Variants in GRHL1 observed in about 807,000 individuals in gnomAD.
The protein encoded by GRHL1 is grainyhead like transcription factor 1, also known as grainyhead-like protein 1 homolog.
In GRHL1, 38 loss-of-function variants were observed where a neutral mutation model predicts 75.7. The observed-to-expected ratio is 0.50, with a 90% CI of 0.39 to 0.66. The LOEUF (loss-of-function observed/expected upper bound fraction) is 0.66, where lower values mean the gene tolerates loss of function less well. Ranked by LOEUF, GRHL1 falls within the 30% of genes least tolerant of loss-of-function variation. GRHL1 has a pLI of 0.00. For synonymous variants in GRHL1, 266 were observed against 279.4 expected, an observed-to-expected ratio of 0.95 and a Z score of 0.48; for missense variants, 589 against 767.5, an observed-to-expected ratio of 0.77 and a Z score of 2.75.
chr2:9,998,474 ATATATACATATATATACG>A, intron 14 of GRHL1, among the ~76,000 whole-genome samples: 6 of 34,472 alleles, frequency 1.7e-4, no homozygotes, highest in African/African-American at 2.7e-4. Flanking sequence ...ATATACGTAT[ATATATACATATATATACG>A]TATATATACA....
chr2:9,973,311 T>C (rs959716196), intron 8 of GRHL1, among the ~76,000 whole-genome samples: 4 of 152,184 alleles, frequency 2.6e-5, no homozygotes, highest in Admixed American at 2.0e-4. Context: ...CAGTACCTTC[T>C]TGGGCCTCAC....
intron 15 of GRHL1, among the ~76,000 whole-genome samples, chr2:9,999,411 G>T (rs1433222207): frequency 6.6e-6 from 1 of 152,274 alleles, no homozygotes; most frequent in Admixed American, 6.5e-5. Flanking sequence ...CGCCACTGAG[G>T]ATGGCCAGGG....
In GRHL1 at chr2:9,992,641, T is replaced by G. The variant is rs1487483333; in HGVS notation, c.1461+495T>G. Among the ~76,000 whole-genome samples the G allele has an allele frequency of 6.6e-6, 1 of 152,344 alleles. No homozygotes were observed. The highest frequency in any genetic ancestry group is 6.5e-5 in the Admixed American group (1 of 15,306). On this transcript the variant is annotated intron_variant, in intron 11 of 15. Coordinates refer to ENST00000324907, the MANE Select transcript of GRHL1 (RefSeq NM_198182.3). The surrounding 1 kb of genome is among the most constrained non-coding windows in gnomAD (Gnocchi z 4.6). The stretch of plus-strand genomic sequence containing the variant: ...TTTTAAAAAATGGTCACGCCCTGTT[T>G]TGTGGCAAAGGCTTACAAGGGATAG...
chr2:9,977,738 C>T (rs751715164), intron 8 of GRHL1, among the ~76,000 whole-genome samples: 2 of 152,164 alleles, frequency 1.3e-5, no homozygotes, highest in African/African-American at 2.4e-5. Flanking sequence ...GTTCTCACTC[C>T]GCCCTCCGTG....
chr2:9,974,692 A>G (rs983999772), intron 8 of GRHL1, among the ~76,000 whole-genome samples: 1 of 152,228 alleles, frequency 6.6e-6, no homozygotes, highest in Non-Finnish European at 1.5e-5. Context: ...AGGAAATTCT[A>G]TGCAAGGTGA....
At chr2:9,972,670 C>T (rs1367415445) in intron 8 of GRHL1, among the ~76,000 whole-genome samples, 2 of 152,146 alleles carry the variant, frequency 1.3e-5, no homozygotes, top group Non-Finnish European at 2.9e-5. Flanking sequence ...TGCCGTGTTC[C>T]GTGCCTGGTG....
rs1228259813 is a variant in GRHL1, at chr2:10,001,206, C to G, written c.*499C>G. On this transcript the variant is annotated 3_prime_UTR_variant, in exon 16 of 16. Coordinates refer to ENST00000324907, the MANE Select transcript of GRHL1 (RefSeq NM_198182.3). ...CTGAAGAGTACGGGGGGAGCCCTCTCTCCCTTACCCTCTCACTCTCCACCA... is the reference window on the plus strand; with the variant it reads ...CTGAAGAGTACGGGGGGAGCCCTCTGTCCCTTACCCTCTCACTCTCCACCA... 6.5e-6 allele frequency: 1 copy of G among 152,706 alleles called. No individual in the cohort carries two copies. The highest frequency in any genetic ancestry group is 1.5e-5 in the Non-Finnish European group (1 of 68,090). The allele number at this position is 152,706 out of a possible 1,614,324, so 9.5% of individuals were successfully genotyped here.
At position 9,954,795 on chromosome 2, in the gene GRHL1, CT is replaced by C. The variant is rs1558287325; in HGVS notation, c.21-118del. The C allele has an allele frequency of 8.1e-6, 7 of 863,970 alleles. No individual in the cohort carries two copies. The Admixed American group carries it at 8.1e-5, about 10-fold the overall frequency. The allele number at this position is 863,970 out of a possible 1,614,324, so 53.5% of individuals were successfully genotyped here. A position where few individuals can be genotyped will look rare whatever the true frequency, so the allele number is the denominator to read the frequency against. ...GTCTTCTGGTCTTGTCTTAATTTGACTTCCTAGGGTCATTGATGAAACAATA... is the reference window on the plus strand; with the variant it reads ...GTCTTCTGGTCTTGTCTTAATTTGACTCCTAGGGTCATTGATGAAACAATA... On this transcript the variant is annotated intron_variant, in intron 1 of 15. Coordinates refer to ENST00000324907, the MANE Select transcript of GRHL1 (RefSeq NM_198182.3).
At chr2:9,998,904 G>A (rs1669140371) in intron 14 of GRHL1, 61 bp from the exon 15 acceptor site, 1 of 503,222 alleles carries the variant, frequency 2.0e-6, no homozygotes. Context: ...ATATATATTT[G>A]TTGTTTGGTT....
In GRHL1 at chr2:9,954,655, T is replaced by C. The variant is rs550841001; in HGVS notation, c.21-260T>C. On this transcript the variant is annotated intron_variant, in intron 1 of 15. Coordinates refer to ENST00000324907, the MANE Select transcript of GRHL1 (RefSeq NM_198182.3). Reference sequence around the variant, plus strand: ...TTTCTCGGGGATGGTTTTGTTTCGCTTTTTTGCCAAATAGTATACCCTGGG... The same window carrying C: ...TTTCTCGGGGATGGTTTTGTTTCGCCTTTTTGCCAAATAGTATACCCTGGG... 1.3e-4 allele frequency among the ~76,000 whole-genome samples: 20 copies of C among 152,298 alleles called. No homozygotes were observed. In the East Asian group the frequency reaches 3.9e-3, roughly 29 times the overall value.
In GRHL1 at chr2:9,952,899, T is replaced by C. The variant is rs138337540; in HGVS notation, c.20+1046T>C. 463 of 412,144 alleles carry C rather than the reference T, an allele frequency of 1.1e-3. 3 individuals carry two copies. The East Asian group carries it at 0.016, about 14-fold the overall frequency. 25.5% of individuals were successfully genotyped at this position (412,144 alleles called of 1,614,324 possible). On this transcript the variant is annotated intron_variant, in intron 1 of 15. Transcript: ENST00000324907. Reference sequence around the variant, plus strand: ...GAGTATCTTAAATGGATTACTCTTATGTTGTAGAATATGCAGTTAAATTAT... The same window carrying C: ...GAGTATCTTAAATGGATTACTCTTACGTTGTAGAATATGCAGTTAAATTAT...
At position 9,986,183 on chromosome 2, in the gene GRHL1, G is replaced by C. The variant is rs1299418927; in HGVS notation, c.1170G>C (p.Gly390=). Residue 390 remains glycine (G), a synonymous_variant, in exon 9 of 16, where the codon GGG becomes GGC. Transcript: ENST00000324907. The part of the protein sequence containing the change: ...TDFSSQKGVK[G]LPLNIQVDTY... ...TCTCTTCCCAGAAGGGAGTGAAGGG[G>C]TTGCCTCTTAACATTCAAGTTGATA... is the stretch of plus-strand genomic sequence containing the variant. 18 of 1,613,620 alleles carry C rather than the reference G, an allele frequency of 1.1e-5. No homozygotes were observed. The highest frequency in any genetic ancestry group is 1.5e-5 in the Non-Finnish European group (18 of 1,179,714).
At chr2:9,979,093 G>A (rs1273906261) in intron 8 of GRHL1, among the ~76,000 whole-genome samples, 1 of 140,368 alleles carries the variant, frequency 7.1e-6, no homozygotes, top group Admixed American at 7.7e-5. Context: ...CCGGGAGGTG[G>A]AGGTTGCAGT....
rs1400626740 is a variant in GRHL1 at position 9,990,182 on chromosome 2, T to A, written c.1270-514T>A. Among the ~76,000 whole-genome samples the A allele has an allele frequency of 6.6e-6, 1 of 151,936 alleles. No homozygotes were observed. The highest frequency in any genetic ancestry group is 2.4e-5 in the African/African-American group (1 of 41,330). The stretch of plus-strand genomic sequence containing the variant: ...TTTTTTTTTTGAGACAGAGTTTCGC[T>A]TTGTCACCCAGGCTGGAGTGCAGTG... On this transcript the variant is annotated intron_variant, in intron 9 of 15. Transcript: ENST00000324907. This position sits in a 1 kb window ranked among gnomAD's most constrained non-coding sequence, Gnocchi z 4.2.
chr2:9,998,625 CATATACAT>C (rs1376748871), intron 14 of GRHL1, among the ~76,000 whole-genome samples: 1 of 25,556 alleles, frequency 3.9e-5, no homozygotes, highest in African/African-American at 4.7e-4. Flanking sequence ...TATATGTACA[CATATACAT>C]ATATATGTAC....
intron 14 of GRHL1, among the ~76,000 whole-genome samples, chr2:9,998,671 CATATAT>C (rs1307281741): frequency 1.7e-5 from 1 of 58,922 alleles, no homozygotes; most frequent in Admixed American, 2.0e-4. Context: ...TATATGTACA[CATATAT>C]ATACATATAT....
chr2:9,983,935 T>G (rs140919248), intron 8 of GRHL1, among the ~76,000 whole-genome samples: 15,768 of 151,758 alleles, frequency 0.1, 1,095 homozygotes, highest in Non-Finnish European at 0.15. Context: ...GGTGGGCGGA[T>G]CATGAGGTCA....
chr2:9,985,169 G>A (rs774824719), intron 8 of GRHL1, among the ~76,000 whole-genome samples: 1 of 152,154 alleles, frequency 6.6e-6, no homozygotes, highest in Non-Finnish European at 1.5e-5. Flanking sequence ...GTCTGGTTTA[G>A]ACAGTTTCTC....
intron 2 of GRHL1, among the ~76,000 whole-genome samples, chr2:9,958,270 G>A (rs1240018777): frequency 2.7e-5 from 4 of 150,152 alleles, no homozygotes; most frequent in Non-Finnish European, 4.4e-5. Context: ...CTCTGCCTCC[G>A]GGCTGAAGCG....
Sources: gnomAD v4.1 joint callset for allele counts (sites outside exome capture counted in the v4.1 genomes callset) on GRCh38, gnomAD v4.1.1 for gene constraint, Gnocchi (gnomAD v3.1) non-coding constraint, MANE v1.5 for transcripts, NCBI Gene and HGNC (gene_info 2026-07-23, HGNC 2026-07-21) for gene names.